Variants in ARHGAP42 observed in about 807,000 individuals in gnomAD.
ARHGAP42 encodes the protein rho GTPase-activating protein 42.
Under a neutral mutation model 125.0 loss-of-function variants are expected in ARHGAP42, and 63 were observed. The observed-to-expected ratio is 0.50, with a 90% confidence interval of 0.41 to 0.62. ARHGAP42 has a LOEUF of 0.62. ARHGAP42 is among the 20% of genes least tolerant of loss of function. The probability of loss-of-function intolerance (pLI) is 0.00; values close to 1 mark genes in which losing one functional copy is unlikely to be tolerated. For synonymous variants in ARHGAP42, 339 were observed against 351.0 expected (o/e 0.97, Z 0.38); for missense variants, 766 against 1,024.2 (o/e 0.75, Z 3.44).
chr11:100,826,636 T>C (rs966416067), intron 3 of ARHGAP42, among the ~76,000 whole-genome samples: 4 of 152,196 alleles, frequency 2.6e-5, no homozygotes, highest in African/African-American at 7.2e-5. Context: ...GAAGTTTTAC[T>C]TGCTTACTTC....
intron 8 of ARHGAP42, among the ~76,000 whole-genome samples, chr11:100,936,908 T>C (rs968776635): frequency 9.2e-5 from 14 of 152,212 alleles, no homozygotes; most frequent in African/African-American, 3.1e-4. Context: ...TTTGTGCATG[T>C]TACTTGTCAT....
At chr11:100,688,216 A>G (rs567007189) in intron 1 of ARHGAP42, among the ~76,000 whole-genome samples, 36 of 152,282 alleles carry the variant, frequency 2.4e-4, no homozygotes, top group African/African-American at 8.7e-4. Context: ...CTTAAAGATA[A>G]AATTAGGCTA....
At chr11:100,803,497 G>A (rs1338672271) in intron 3 of ARHGAP42, among the ~76,000 whole-genome samples, 1 of 152,232 alleles carries the variant, frequency 6.6e-6, no homozygotes. Flanking sequence ...AGAGTCTAAT[G>A]TCCTCCTAGG....
chr11:100,877,563 C>T (rs549770786), intron 4 of ARHGAP42, among the ~76,000 whole-genome samples: 101 of 152,296 alleles, frequency 6.6e-4, no homozygotes, highest in Non-Finnish European at 1.2e-3. Flanking sequence ...TCAGATTTGT[C>T]TGTATCTTGA....
chr11:100,691,402 CAA>C (rs1211187907), intron 1 of ARHGAP42, among the ~76,000 whole-genome samples: 12 of 151,874 alleles, frequency 7.9e-5, no homozygotes. Context: ...CTTTTGAATT[CAA>C]AGAGTCATCT....
chr11:100,962,507 A>C, intron 16 of ARHGAP42, 40 bp downstream of exon 16: 1 of 1,469,680 alleles, frequency 6.8e-7, no homozygotes, highest in South Asian at 1.2e-5. Flanking sequence ...TAATTGATGT[A>C]GTTTTATGCT....
chr11:100,866,818 G>A (rs1165442048), intron 4 of ARHGAP42, among the ~76,000 whole-genome samples: 1 of 152,110 alleles, frequency 6.6e-6, no homozygotes, highest in Non-Finnish European at 1.5e-5. Flanking sequence ...TGGGAACACA[G>A]AGCCAAACCA....
At chr11:100,958,811 G>T (rs558465648) in intron 12 of ARHGAP42, among the ~76,000 whole-genome samples, 6 of 151,950 alleles carry the variant, frequency 3.9e-5, no homozygotes, top group Admixed American at 1.3e-4. Flanking sequence ...TAGTTCCATT[G>T]TTAGGCACAG....
At chr11:100,786,041 G>A (rs1220266265) in intron 2 of ARHGAP42, among the ~76,000 whole-genome samples, 1 of 152,068 alleles carries the variant, frequency 6.6e-6, no homozygotes, top group African/African-American at 2.4e-5. Flanking sequence ...ACCTACTTCA[G>A]CACCTCATAT....
intron 1 of ARHGAP42, among the ~76,000 whole-genome samples, chr11:100,747,490 A>G (rs1237128009): frequency 6.6e-6 from 1 of 152,238 alleles, no homozygotes; most frequent in Non-Finnish European, 1.5e-5. Flanking sequence ...AGAGCGGATT[A>G]GTGCTTTAAG....
chr11:100,949,902 T>A lies in ARHGAP42; in HGVS notation c.1123-15T>A, dbSNP rs1467466987. The stretch of plus-strand genomic sequence containing the variant: ...ATTAACTGGAAGTAACTAATGGACA[T>A]CCTTTGTTTTTTAGATTTATACTCT... On this transcript the variant is annotated splice_polypyrimidine_tract_variant and intron_variant, in intron 11 of 23. Transcript: ENST00000298815. 22 of 1,447,668 alleles carry A rather than the reference T, an allele frequency of 1.5e-5. No individual in the cohort carries two copies. The highest frequency in any genetic ancestry group is 2.1e-5 in the Admixed American group (1 of 47,234). The allele number at this position is 1,447,668 out of a possible 1,614,324, so 89.7% of individuals were successfully genotyped here.
At chr11:100,724,185 G>T (rs1054985681) in intron 1 of ARHGAP42, among the ~76,000 whole-genome samples, 1 of 151,994 alleles carries the variant, frequency 6.6e-6, no homozygotes, top group Non-Finnish European at 1.5e-5. Flanking sequence ...ACTTGGTGGG[G>T]GGTAATTTTT....
chr11:100,982,661 T>G (rs570592238), intron 22 of ARHGAP42, among the ~76,000 whole-genome samples: 1 of 152,298 alleles, frequency 6.6e-6, no homozygotes, highest in East Asian at 1.9e-4. Flanking sequence ...TAAAGTAGTA[T>G]AAACAGGCAA....
intron 22 of ARHGAP42, among the ~76,000 whole-genome samples, chr11:100,983,666 A>C (rs761705870): frequency 6.6e-6 from 1 of 152,164 alleles, no homozygotes; most frequent in African/African-American, 2.4e-5. Context: ...TCACTTTTTC[A>C]CTTCTTTTTC....
At chr11:100,953,890 A>G (rs1198748046) in intron 12 of ARHGAP42, among the ~76,000 whole-genome samples, 1 of 152,300 alleles carries the variant, frequency 6.6e-6, no homozygotes, top group Non-Finnish European at 1.5e-5. Flanking sequence ...AACAGATGCC[A>G]TTCAATTAAG....
At chr11:100,896,776 T>C (rs895707073) in intron 4 of ARHGAP42, among the ~76,000 whole-genome samples, 6 of 152,130 alleles carry the variant, frequency 3.9e-5, no homozygotes. Flanking sequence ...AAATTTTCTT[T>C]CATTCTGTAG....
intron 3 of ARHGAP42, among the ~76,000 whole-genome samples, chr11:100,857,406 A>C (rs1865346032): frequency 6.6e-6 from 1 of 152,140 alleles, no homozygotes; most frequent in South Asian, 2.1e-4. Context: ...GAGAAGGGGT[A>C]GATGTAAACC....
At chr11:100,936,885 A>G (rs1388686396) in intron 8 of ARHGAP42, among the ~76,000 whole-genome samples, 10 of 152,210 alleles carry the variant, frequency 6.6e-5, no homozygotes, top group Non-Finnish European at 1.3e-4. Flanking sequence ...TCGGACTTGT[A>G]TAACTGGAGT....
At chr11:100,708,238 G>A (rs1297240756) in intron 1 of ARHGAP42, among the ~76,000 whole-genome samples, 2 of 152,178 alleles carry the variant, frequency 1.3e-5, no homozygotes, top group South Asian at 2.1e-4. Flanking sequence ...TGGTCTGGGC[G>A]TGGTGGCTCA....
Sources: gnomAD v4.1 joint callset for allele counts (sites outside exome capture counted in the v4.1 genomes callset) on GRCh38, gnomAD v4.1.1 for gene constraint, MANE v1.5 for transcripts, NCBI Gene and HGNC (gene_info 2026-07-23, HGNC 2026-07-21) for gene names.